NEGR1: variants seen among roughly 807,000 people sequenced by gnomAD.
NEGR1 encodes IgLON family member 4.
NEGR1 carries 10 observed loss-of-function variants against 40.9 expected under a neutral mutation model. The ratio of observed to expected loss-of-function variants is 0.24; its 90% CI spans 0.15 to 0.42. The LOEUF (loss-of-function observed/expected upper bound fraction) is 0.42, where lower values mean the gene tolerates loss of function less well. Ranked by LOEUF, NEGR1 falls within the 10% of genes least tolerant of loss-of-function variation. The pLI is 1.00. For synonymous variants in NEGR1, 185 were observed against 166.8 expected, an observed-to-expected ratio of 1.11 and a Z score of -0.84; for missense variants, 352 against 438.9, an observed-to-expected ratio of 0.80 and a Z score of 1.77.
chr1:71,877,525 C>A (rs1660467044), intron 2 of NEGR1, among the ~76,000 whole-genome samples: 1 of 152,044 alleles, frequency 6.6e-6, no homozygotes, highest in Non-Finnish European at 1.5e-5. Context: ...GAACACCAGT[C>A]TTACTGGACT....
chr1:72,081,619 T>C (rs939817483), intron 1 of NEGR1, among the ~76,000 whole-genome samples: 2 of 152,052 alleles, frequency 1.3e-5, no homozygotes, highest in African/African-American at 4.8e-5. Context: ...TCCTATGAAA[T>C]AAGCACAGTG....
chr1:72,114,634 C>T (rs1649514392), intron 1 of NEGR1, among the ~76,000 whole-genome samples: 1 of 151,760 alleles, frequency 6.6e-6, no homozygotes, highest in Non-Finnish European at 1.5e-5. Flanking sequence ...GAAATAACTA[C>T]ATAAGCAAAA....
chr1:72,185,609 C>T (rs1269314510), intron 1 of NEGR1, among the ~76,000 whole-genome samples: 1 of 151,764 alleles, frequency 6.6e-6, no homozygotes, highest in Admixed American at 6.6e-5. Context: ...GGTTTTCTAC[C>T]ATTAAAATTA....
chr1:71,752,687 T>C (rs1349736277), intron 3 of NEGR1, among the ~76,000 whole-genome samples: 1 of 149,562 alleles, frequency 6.7e-6, no homozygotes, highest in Non-Finnish European at 1.5e-5. Flanking sequence ...CTCCCCGGTC[T>C]ATAAATCAAA....
chr1:71,623,723 G>T (rs1650680582), intron 4 of NEGR1, among the ~76,000 whole-genome samples: 1 of 151,924 alleles, frequency 6.6e-6, no homozygotes, highest in Non-Finnish European at 1.5e-5. Flanking sequence ...ATCAGAAGAT[G>T]TGGGAGGAGG....
At chr1:71,847,088 A>G (rs995874681) in intron 2 of NEGR1, among the ~76,000 whole-genome samples, 9 of 152,058 alleles carry the variant, frequency 5.9e-5, no homozygotes, top group South Asian at 4.1e-4. Flanking sequence ...AAATCCCCCC[A>G]TCTCACAGTA....
intron 2 of NEGR1, among the ~76,000 whole-genome samples, chr1:71,927,818 TAAAAAAAAAAAAAAA>T (rs35429988): frequency 4.5e-5 from 1 of 22,428 alleles, no homozygotes; most frequent in Non-Finnish European, 7.3e-5. Flanking sequence ...ACCCAATCTC[TAAAAAAAAAAAAAAA>T]AAAAAAAAAA....
rs191361198 is a variant in NEGR1 at position 71,593,606 on chromosome 1, T to C, written c.789-638A>G. Among the ~76,000 whole-genome samples the C allele has an allele frequency of 3.3e-3, 508 of 152,322 alleles. 10 individuals are homozygous for C. The highest frequency in any genetic ancestry group is 6.9e-4 in the Non-Finnish European group (47 of 68,026). ...ATGTGCCATGGAAAGACTTTAAAACTCTCTGGACTTCAGCATGGGATTCAG... is the reference window on the plus strand; with the variant it reads ...ATGTGCCATGGAAAGACTTTAAAACCCTCTGGACTTCAGCATGGGATTCAG... On this transcript the variant is annotated intron_variant, in intron 5 of 6. Transcript: ENST00000357731.
At chr1:72,113,096 TAA>T (rs1461882931) in intron 1 of NEGR1, among the ~76,000 whole-genome samples, 1 of 151,710 alleles carries the variant, frequency 6.6e-6, no homozygotes, top group Non-Finnish European at 1.5e-5. Context: ...GGTACAGAGT[TAA>T]GAGTCCAACC....
chr1:72,065,639 C>T (rs1203245282), intron 1 of NEGR1, among the ~76,000 whole-genome samples: 1 of 152,044 alleles, frequency 6.6e-6, no homozygotes, highest in Non-Finnish European at 1.5e-5. Flanking sequence ...GGTTGACTGA[C>T]TTCAAACAAA....
At chr1:72,270,439 T>C (rs762504773) in intron 1 of NEGR1, among the ~76,000 whole-genome samples, 8 of 151,928 alleles carry the variant, frequency 5.3e-5, no homozygotes, top group Non-Finnish European at 1.0e-4. Flanking sequence ...CTGAACTGCA[T>C]TGCCTTCAGC....
intron 1 of NEGR1, among the ~76,000 whole-genome samples, chr1:72,036,745 G>T (rs1422719532): frequency 2.0e-5 from 3 of 150,682 alleles, no homozygotes; most frequent in African/African-American, 7.3e-5. Context: ...ATATTAAGAA[G>T]TTTTTACTGA....
rs554583518 is a variant in NEGR1 at position 71,746,640 on chromosome 1, CT to C, written c.535+29531del. 1.5e-4 allele frequency among the ~76,000 whole-genome samples: 22 copies of C among 151,588 alleles called. 1 individual carries two copies. In the East Asian group the frequency reaches 4.1e-3, roughly 28 times the overall value. ...AAATCCATTTTCCTCAATGCATCTT[CT>C]TTTTTTTCTGCCACTTCTGTCAAAA... On this transcript the variant is annotated intron_variant, in intron 3 of 6. Coordinates refer to ENST00000357731, the MANE Select transcript of NEGR1 (RefSeq NM_173808.3).
chr1:72,258,082 G>T (rs541539427), intron 1 of NEGR1, among the ~76,000 whole-genome samples: 2 of 152,218 alleles, frequency 1.3e-5, no homozygotes, highest in South Asian at 4.1e-4. Context: ...ATTCATGCCG[G>T]TATTCTTAAT....
At chr1:72,201,925 C>G (rs1653228968) in intron 1 of NEGR1, among the ~76,000 whole-genome samples, 1 of 151,838 alleles carries the variant, frequency 6.6e-6, no homozygotes, top group African/African-American at 2.4e-5. Flanking sequence ...CTTTGTTATG[C>G]TTTGCAGATA....
At chr1:71,423,381 A>AT (rs1263364996) in intron 6 of NEGR1, among the ~76,000 whole-genome samples, 1 of 152,168 alleles carries the variant, frequency 6.6e-6, no homozygotes, top group Non-Finnish European at 1.5e-5. Context: ...GCAACAGAGC[A>AT]TTTCTTGAAA....
intron 1 of NEGR1, among the ~76,000 whole-genome samples, chr1:71,992,677 A>G (rs888166934): frequency 1.3e-4 from 16 of 122,116 alleles, no homozygotes; most frequent in Non-Finnish European, 7.3e-5. Flanking sequence ...AGCTACACTA[A>G]AAGTGTTCAG....
At chr1:71,487,741 A>AT (rs35762849) in intron 6 of NEGR1, among the ~76,000 whole-genome samples, 50,466 of 149,894 alleles carry the variant, frequency 0.34, 10,408 homozygotes, top group South Asian at 0.46. Context: ...CATTCATTAG[A>AT]TTTTTTTTTT....
chr1:71,794,255 A>G (rs1657234738), intron 2 of NEGR1: 1 of 152,196 alleles, frequency 6.6e-6, no homozygotes, highest in South Asian at 2.1e-4. Context: ...CATTTTATTT[A>G]CAGAATTAAA....
Sources: gnomAD v4.1 joint callset for allele counts (sites outside exome capture counted in the v4.1 genomes callset) on GRCh38, gnomAD v4.1.1 for gene constraint, MANE v1.5 for transcripts, NCBI Gene and HGNC (gene_info 2026-07-23, HGNC 2026-07-21) for gene names.